HERC2: variants seen among roughly 807,000 people sequenced by gnomAD.
HERC2 encodes the protein E3 ubiquitin-protein ligase HERC2.
A neutral mutation model predicts 537.7 loss-of-function variants in HERC2; 102 were observed. The ratio of observed to expected loss-of-function variants is 0.19; its 90% CI spans 0.16 to 0.22. The LOEUF is 0.22. Ranked by LOEUF, HERC2 falls within the 10% of genes least tolerant of loss-of-function variation. HERC2 has a pLI of 1.00. For missense variants in HERC2, 4,236 were observed against 6,198.2 expected (o/e 0.68, Z 10.63); for synonymous variants, 2,224 against 2,466.2 (o/e 0.90, Z 2.91).
At chr15:28,286,326 G>C (rs1156327392) in intron 4 of HERC2, among the ~76,000 whole-genome samples, 1 of 151,988 alleles carries the variant, frequency 6.6e-6, no homozygotes, top group Non-Finnish European at 1.5e-5. Flanking sequence ...ACAGTACAAA[G>C]TACAGAACAA....
chr15:28,271,734 A>G (rs2075734517), intron 9 of HERC2, among the ~76,000 whole-genome samples: 2 of 152,150 alleles, frequency 1.3e-5, no homozygotes, highest in Non-Finnish European at 2.9e-5. Context: ...AATGCCTAAG[A>G]CTTTCCCAAA....
At chr15:28,129,209 TAC>T (rs1408941461) in intron 83 of HERC2, among the ~76,000 whole-genome samples, 1 of 152,166 alleles carries the variant, frequency 6.6e-6, no homozygotes, top group Non-Finnish European at 1.5e-5. Flanking sequence ...TCCTCACAGT[TAC>T]AGTGTATTAT....
intron 2 of HERC2, among the ~76,000 whole-genome samples, chr15:28,301,444 AC>A (rs1415582157): frequency 3.3e-5 from 5 of 151,560 alleles, no homozygotes; most frequent in African/African-American, 7.3e-5. Context: ...CTGTTCAAAG[AC>A]TGATAGGGAC....
Position 28,182,408 on chromosome 15 carries a change from C to A in HERC2, c.8930G>T (p.Gly2977Val). The change falls in exon 57 of 93, where the codon GGC becomes GTC. Residue 2977 changes from glycine (G) to valine (V), a missense_variant. Transcript: ENST00000261609. ...NDKDQLGGLK[G>V]SKIKVPSFSE... ...CCAGGGAGCAGGCCGTACCTTGGAG[C>A]CTTTCAGCCCGCCCAGCTGGTCCTT... 6.2e-7 allele frequency: 1 copy of A among 1,612,986 alleles called. No individual in the cohort carries two copies. Among genetic ancestry groups the A allele is most frequent in the Non-Finnish European group, 8.5e-7 (1 of 1,179,390 alleles).
Position 28,254,140 on chromosome 15 carries a change from G to A in HERC2, c.3050+200C>T, listed in dbSNP as rs570287569. ...CTCTACTAAAACTACAAGATTAGTC[G>A]GGTGTGGTGGCACACACCTGTAATC... On this transcript the variant is annotated intron_variant, in intron 20 of 92. Transcript: ENST00000261609. Among the ~76,000 whole-genome samples, 7 of 152,024 alleles carry A rather than the reference G, an allele frequency of 4.6e-5. No homozygotes were observed. In the South Asian group the frequency reaches 1.5e-3, roughly 32 times the overall value.
intron 45 of HERC2, among the ~76,000 whole-genome samples, chr15:28,204,616 C>CA (rs55840834): frequency 0.011 from 557 of 50,986 alleles, no homozygotes; most frequent in East Asian, 0.047. Context: ...GAGACTCCGT[C>CA]AAAAAAAAAA....
chr15:28,156,239 A>G lies in HERC2; in HGVS notation c.10747-3409T>C, dbSNP rs566423816. ...TCTTTTGGCTTAGGATTGACTTGGC[A>G]ATGCGGGCTCTTTTTTGGTTCCAAA... is the stretch of plus-strand genomic sequence containing the variant. On this transcript the variant is annotated intron_variant, in intron 69 of 92. Coordinates refer to ENST00000261609, the MANE Select transcript of HERC2 (RefSeq NM_004667.6). 1.4e-4 allele frequency among the ~76,000 whole-genome samples: 21 copies of G among 152,272 alleles called. No individual in the cohort carries two copies. In the South Asian group the frequency reaches 2.5e-3, roughly 18 times the overall value.
In HERC2 at chr15:28,208,305, A is replaced by C. The variant is rs1355209026; in HGVS notation, c.7070-1923T>G. 3.3e-5 allele frequency among the ~76,000 whole-genome samples: 5 copies of C among 152,170 alleles called. No homozygotes were observed. The South Asian group carries it at 1.0e-3, about 32-fold the overall frequency. On this transcript the variant is annotated intron_variant, in intron 44 of 92. Coordinates refer to ENST00000261609, the MANE Select transcript of HERC2 (RefSeq NM_004667.6). ...CTATTCTCCCCTCAATTCAAGCTTG[A>C]AACAGCAGAGTCACCTTCCACTTTT...
At chr15:28,226,390 G>C (rs1901170551) in intron 35 of HERC2, among the ~76,000 whole-genome samples, 1 of 135,906 alleles carries the variant, frequency 7.4e-6, no homozygotes, top group Non-Finnish European at 1.5e-5. Flanking sequence ...GTTCAAAACA[G>C]GGGGTACCTG....
Position 28,178,985 on chromosome 15 carries a change from C to T in HERC2, c.9065G>A (p.Gly3022Asp). Reference protein sequence around the residue: ...KVYACGEATNGRLGLGISSGT... With the variant: ...KVYACGEATNDRLGLGISSGT... ...GCTGGAAATGCCCAGCCCCAGCCGG[C>T]CATTCGTGGCTTCTCCACAGGCATA... The change falls in exon 59 of 93, where the codon GGC becomes GAC. Residue 3022 changes from glycine (G) to aspartate (D), a missense_variant. Transcript: ENST00000261609. 6.2e-7 allele frequency: 1 copy of T among 1,614,218 alleles called. No individual in the cohort carries two copies. The highest frequency in any genetic ancestry group is 1.1e-5 in the South Asian group (1 of 91,082).
At chr15:28,227,953 G>A (rs1901395365) in intron 35 of HERC2, among the ~76,000 whole-genome samples, 1 of 152,116 alleles carries the variant, frequency 6.6e-6, no homozygotes, top group Non-Finnish European at 1.5e-5. Context: ...AGGGGCTGGA[G>A]GGCAGAGGAG....
chr15:28,229,092 T>C, intron 34 of HERC2, 103 bp downstream of exon 34: 2 of 1,087,816 alleles, frequency 1.8e-6, no homozygotes. Context: ...AGTACAAACT[T>C]TAATTAAAAT....
intron 48 of HERC2, among the ~76,000 whole-genome samples, chr15:28,199,560 T>C (rs1897695587): frequency 6.6e-6 from 1 of 152,154 alleles, no homozygotes; most frequent in Non-Finnish European, 1.5e-5. Flanking sequence ...GCTAATGAAC[T>C]CAGAGAAGAT....
intron 66 of HERC2, 56 bp downstream of exon 66, chr15:28,169,428 C>CA: frequency 3.0e-6 from 4 of 1,339,576 alleles, no homozygotes; most frequent in Non-Finnish European, 4.1e-6. Flanking sequence ...AAAAAAATCA[C>CA]AAAAATGTGA....
intron 69 of HERC2, among the ~76,000 whole-genome samples, chr15:28,159,580 C>T (rs1366050364): frequency 6.6e-6 from 1 of 152,198 alleles, no homozygotes; most frequent in African/African-American, 2.4e-5. Flanking sequence ...TTTTCAGCTC[C>T]ATCAGCTCCT....
At position 28,113,745 on chromosome 15, in the gene HERC2, G is replaced by T; in HGVS notation, c.13914-67C>A. On this transcript the variant is annotated intron_variant, in intron 90 of 92. Transcript: ENST00000261609. The surrounding 1 kb of genome is among the most constrained non-coding windows in gnomAD (Gnocchi z 7.0). ...ACTGACTTTATGCTGCTCACACCAA[G>T]CCTTGGCATGCAGCACTGTGGCCGC... 7.6e-7 allele frequency: 1 copy of T among 1,312,846 alleles called. No individual in the cohort carries two copies. The highest frequency in any genetic ancestry group is 1.1e-6 in the Non-Finnish European group (1 of 918,500). The allele number at this position is 1,312,846 out of a possible 1,614,324, so 81.3% of individuals were successfully genotyped here.
intron 52 of HERC2, among the ~76,000 whole-genome samples, chr15:28,192,886 T>C (rs1896979235): frequency 1.3e-5 from 2 of 151,402 alleles, no homozygotes; most frequent in Non-Finnish European, 2.9e-5. Flanking sequence ...CAACAGGAAA[T>C]ACCCCAAAAG....
rs1332369685 is a variant in HERC2, at chr15:28,176,780, C to T, written c.9433-12G>A. 6.2e-7 allele frequency: 1 copy of T among 1,612,702 alleles called. No homozygotes were observed. The highest frequency in any genetic ancestry group is 1.3e-5 in the African/African-American group (1 of 74,892). ...AGAAGGACTTTCACCTACTCAATTA[C>T]AAATTTAAAAACAGAATCACGCACA... On this transcript the variant is annotated splice_polypyrimidine_tract_variant and intron_variant, in intron 61 of 92. Transcript: ENST00000261609. The surrounding 1 kb of genome is among the most constrained non-coding windows in gnomAD (Gnocchi z 5.0).
In HERC2 at chr15:28,125,063, T is replaced by A. The variant is rs751317705; in HGVS notation, c.12933A>T (p.Ala4311=). 2.4e-5 allele frequency: 39 copies of A among 1,613,302 alleles called. No individual in the cohort carries two copies. The South Asian group carries it at 3.0e-4, about 12-fold the overall frequency. Residue 4311 remains alanine (A), a synonymous_variant, in exon 84 of 93, where the codon GCA becomes GCT. Transcript: ENST00000261609. ...KKVNRVACGS[A]HTLAWSTSKP... ...TGCTGGTCGACCAGGCGAGGGTATG[T>A]GCTGAGCCACAGGCCACACGGTTGA...
Sources: allele counts gnomAD v4.1 joint callset (sites outside exome capture counted in the v4.1 genomes callset), GRCh38; gene constraint gnomAD v4.1.1; non-coding constraint Gnocchi (gnomAD v3.1); transcripts MANE v1.5; gene names NCBI Gene and HGNC (gene_info 2026-07-23, HGNC 2026-07-21).